The following PPHLN1 variants were observed in gnomAD, a reference collection of about 807,000 sequenced individuals.
PPHLN1 encodes periphilin-1.
A neutral mutation model predicts 51.3 loss-of-function variants in PPHLN1; 29 were observed. The observed-to-expected ratio is 0.57, with a 90% CI of 0.42 to 0.77. PPHLN1 has a LOEUF of 0.77. Ranked by LOEUF, PPHLN1 falls within the 30% of genes least tolerant of loss-of-function variation. PPHLN1 has a pLI of 0.00. For missense variants in PPHLN1, 436 were observed against 438.4 expected (o/e 0.99, Z 0.05); for synonymous variants, 147 against 147.8 (o/e 0.99, Z 0.04).
At chr12:42,416,270 T>G (rs1051936703) in intron 9 of PPHLN1, among the ~76,000 whole-genome samples, 1 of 152,258 alleles carries the variant, frequency 6.6e-6, no homozygotes, top group African/African-American at 2.4e-5. Flanking sequence ...GAATTTTTAT[T>G]TACTGTGGTA....
At chr12:42,385,899 T>C (rs2077153149) in intron 6 of PPHLN1, among the ~76,000 whole-genome samples, 1 of 152,224 alleles carries the variant, frequency 6.6e-6, no homozygotes, top group South Asian at 2.1e-4. Flanking sequence ...CACACTATGA[T>C]GTGAAATTTG....
chr12:42,432,239 T>C, intron 9 of PPHLN1: 1 of 781,526 alleles, frequency 1.3e-6, no homozygotes, highest in East Asian at 2.4e-5. Context: ...ATTTGTACCA[T>C]AACTGGAGGT....
At chr12:42,446,373 T>G (rs145070981), downstream of PPHLN1, 581 of 1,492,672 alleles carry the variant, frequency 3.9e-4, 3 homozygotes, top group African/African-American at 7.4e-3. Flanking sequence ...AATCTGCCTT[T>G]TTTCAGCCCT....
chr12:42,381,324 C>T (rs1279658888), intron 5 of PPHLN1, among the ~76,000 whole-genome samples: 1 of 152,206 alleles, frequency 6.6e-6, no homozygotes, highest in Non-Finnish European at 1.5e-5. Context: ...ATGCCATATG[C>T]ATAGGCATTT....
At chr12:42,372,094 G>A (rs1385368738) in intron 4 of PPHLN1, among the ~76,000 whole-genome samples, 3 of 151,972 alleles carry the variant, frequency 2.0e-5, no homozygotes, top group Non-Finnish European at 2.9e-5. Context: ...ATTCCCTATA[G>A]TGCTGTTCAT....
At chr12:42,436,036 T>A (rs1196320538) in intron 9 of PPHLN1, among the ~76,000 whole-genome samples, 4 of 152,248 alleles carry the variant, frequency 2.6e-5, no homozygotes, top group Non-Finnish European at 2.9e-5. Flanking sequence ...GGCTACTGTA[T>A]TGGACAGCAC....
chr12:42,379,201 G>GA (rs1184854404), intron 5 of PPHLN1, among the ~76,000 whole-genome samples: 5 of 151,240 alleles, frequency 3.3e-5, no homozygotes, highest in Non-Finnish European at 4.4e-5. Flanking sequence ...TAAAAGTGAT[G>GA]AAAAAAATCA....
At chr12:42,352,501 C>T (rs12227380) in intron 3 of PPHLN1, among the ~76,000 whole-genome samples, 24,507 of 151,222 alleles carry the variant, frequency 0.16, 2,033 homozygotes, top group Admixed American at 0.2. Context: ...CCTGTGCCTC[C>T]TGGGTTCAAG....
intron 5 of PPHLN1, among the ~76,000 whole-genome samples, chr12:42,384,591 A>G (rs1014119442): frequency 6.6e-6 from 1 of 152,160 alleles, no homozygotes. Context: ...TCGACTAGGT[A>G]CTTTCAGTGA....
intron 9 of PPHLN1, among the ~76,000 whole-genome samples, chr12:42,423,869 G>T (rs2081208504): frequency 6.6e-6 from 1 of 152,056 alleles, no homozygotes; most frequent in Admixed American, 6.6e-5. Flanking sequence ...TAGAGATAGG[G>T]TTTTACCATG....
chr12:42,444,762 C>G (rs2083207143), downstream of PPHLN1: 1 of 384,086 alleles, frequency 2.6e-6, no homozygotes, highest in Non-Finnish European at 4.7e-6. Flanking sequence ...AAAACATGCC[C>G]TTCCTGCTGA....
chr12:42,366,072 C>G (rs2075237395), intron 4 of PPHLN1, among the ~76,000 whole-genome samples: 1 of 151,978 alleles, frequency 6.6e-6, no homozygotes, highest in Non-Finnish European at 1.5e-5. Flanking sequence ...AAAATATGTC[C>G]AGACTTTAAT....
At chr12:42,416,796 T>A (rs2080427811) in intron 9 of PPHLN1, among the ~76,000 whole-genome samples, 1 of 152,202 alleles carries the variant, frequency 6.6e-6, no homozygotes, top group African/African-American at 2.4e-5. Context: ...GATGGGATTA[T>A]ATAGATTGTA....
Position 42,387,587 on chromosome 12 carries a change from A to G in PPHLN1, c.648+52A>G, listed in dbSNP as rs774173455. 4.4e-6 allele frequency: 7 copies of G among 1,581,084 alleles called. No homozygotes were observed. The African/African-American group carries it at 9.6e-5, about 22-fold the overall frequency. ...AAAGAAGAATTACAAATTGAGATGGACTGACTAGTACAGATGCTTTTATTC... is the reference window on the plus strand; with the variant it reads ...AAAGAAGAATTACAAATTGAGATGGGCTGACTAGTACAGATGCTTTTATTC... On this transcript the variant is annotated intron_variant, in intron 7 of 9. Transcript: ENST00000358314.
At chr12:42,386,181 T>C (rs139126064) in intron 6 of PPHLN1, among the ~76,000 whole-genome samples, 119 of 152,372 alleles carry the variant, frequency 7.8e-4, no homozygotes, top group African/African-American at 2.8e-3. Context: ...TCTTTGTTGT[T>C]GGGGTGTCCC....
At chr12:42,348,301 T>TTTTTA (rs1351410831) in intron 2 of PPHLN1, among the ~76,000 whole-genome samples, 3 of 131,466 alleles carry the variant, frequency 2.3e-5, no homozygotes, top group African/African-American at 8.5e-5. Context: ...TTTTTTTTTT[T>TTTTTA]AGTAGAAACG....
intron 8 of PPHLN1, among the ~76,000 whole-genome samples, chr12:42,394,783 A>G (rs1174547658): frequency 6.6e-6 from 1 of 152,058 alleles, no homozygotes; most frequent in Non-Finnish European, 1.5e-5. Context: ...AAAAGCATGA[A>G]CAATACTTTT....
intron 4 of PPHLN1, among the ~76,000 whole-genome samples, chr12:42,357,280 A>C (rs2074146254): frequency 6.6e-6 from 1 of 152,172 alleles, no homozygotes; most frequent in African/African-American, 2.4e-5. Flanking sequence ...GGAAGTTGAC[A>C]AGTTAATTTT....
chr12:42,396,614 A>C (rs1202106993), intron 8 of PPHLN1, among the ~76,000 whole-genome samples: 2 of 77,554 alleles, frequency 2.6e-5, no homozygotes. Flanking sequence ...TCTTGTCACT[A>C]CAAAAAAAAA....
Sources: gnomAD v4.1 joint callset for allele counts (sites outside exome capture counted in the v4.1 genomes callset) on GRCh38, gnomAD v4.1.1 for gene constraint, MANE v1.5 for transcripts, NCBI Gene and HGNC (gene_info 2026-07-23, HGNC 2026-07-21) for gene names.